The following NAV2 variants were observed in gnomAD, a reference collection of about 807,000 sequenced individuals.
NAV2 encodes helicase, APC down-regulated 1.
Under a neutral mutation model 223.2 loss-of-function variants are expected in NAV2, and 54 were observed. The ratio of observed to expected loss-of-function variants is 0.24; its 90% CI spans 0.19 to 0.30. NAV2 has a LOEUF of 0.30. Among genes scored for constraint, NAV2 ranks in the 10% least tolerant of loss-of-function variants. The pLI is 1.00. For missense variants in NAV2, 2,806 were observed against 3,147.5 expected, an observed-to-expected ratio of 0.89 and a Z score of 2.60; for synonymous variants, 1,279 against 1,239.3, an observed-to-expected ratio of 1.03 and a Z score of -0.67.
rs148310497 is a variant in NAV2 at position 19,866,900 on chromosome 11, G to A, written c.439-2025G>A. ...TTTCCATGGGGACATAATTGCCAAAGCCTCACTCACCAGCCATGTGCAAGA... is the reference window on the plus strand; with the variant it reads ...TTTCCATGGGGACATAATTGCCAAAACCTCACTCACCAGCCATGTGCAAGA... On this transcript the variant is annotated intron_variant, in intron 3 of 37. Transcript: ENST00000349880. Among the ~76,000 whole-genome samples, 95 of 152,212 alleles carry A rather than the reference G, an allele frequency of 6.2e-4. 2 individuals are homozygous for A. The East Asian group carries it at 0.01, about 16-fold the overall frequency.
chr11:20,029,927 T>C (rs1025806319), intron 11 of NAV2, among the ~76,000 whole-genome samples: 33 of 152,238 alleles, frequency 2.2e-4, no homozygotes, highest in African/African-American at 6.8e-4. Flanking sequence ...TGCTTTTGTG[T>C]TGATTGTTCT....
At chr11:19,689,575 G>T (rs2049110748) in intron 1 of NAV2, among the ~76,000 whole-genome samples, 1 of 152,192 alleles carries the variant, frequency 6.6e-6, no homozygotes, top group Non-Finnish European at 1.5e-5. Context: ...TTCTGATTTT[G>T]GTGGCATTGC....
intron 6 of NAV2, among the ~76,000 whole-genome samples, chr11:19,918,929 C>A (rs1779681846): frequency 6.6e-6 from 1 of 152,170 alleles, no homozygotes; most frequent in South Asian, 2.1e-4. Flanking sequence ...TGCTCTGTTT[C>A]ATCCCCAAGA....
intron 1 of NAV2, among the ~76,000 whole-genome samples, chr11:19,723,034 TG>T (rs1376083164): frequency 6.6e-6 from 1 of 152,150 alleles, no homozygotes; most frequent in Non-Finnish European, 1.5e-5. Flanking sequence ...CTGGAGGGGT[TG>T]AGAGGGAGAT....
At chr11:20,100,760 C>G (rs1275649496) in intron 31 of NAV2, among the ~76,000 whole-genome samples, 177 bp from the exon 32 acceptor site, 1 of 152,078 alleles carries the variant, frequency 6.6e-6, no homozygotes, top group East Asian at 1.9e-4. Flanking sequence ...GAGGTGACTT[C>G]CTAGAGCAGC....
At chr11:19,482,350 C>T (rs990033312) in intron 1 of NAV2, among the ~76,000 whole-genome samples, 4 of 152,180 alleles carry the variant, frequency 2.6e-5, no homozygotes, top group African/African-American at 9.7e-5. Context: ...GAATATGCTG[C>T]TGAATTAGTC....
At chr11:19,682,629 G>A (rs1345251823) in intron 1 of NAV2, among the ~76,000 whole-genome samples, 1 of 152,194 alleles carries the variant, frequency 6.6e-6, no homozygotes, top group Non-Finnish European at 1.5e-5. Flanking sequence ...TGCTTTTGGC[G>A]AGGGCCTCAG....
chr11:19,754,896 T>C (rs995539030), intron 1 of NAV2, among the ~76,000 whole-genome samples: 2 of 152,154 alleles, frequency 1.3e-5, no homozygotes, highest in African/African-American at 4.8e-5. Context: ...TGCTGTCTCC[T>C]TCCCTCGCTT....
intron 1 of NAV2, among the ~76,000 whole-genome samples, chr11:19,738,344 C>A (rs1046269517): frequency 6.6e-6 from 1 of 152,242 alleles, no homozygotes; most frequent in Admixed American, 6.5e-5. Flanking sequence ...CCAGCAGGAG[C>A]CTGTCAGCCT....
chr11:19,438,554 A>G (rs907154888), intron 1 of NAV2, among the ~76,000 whole-genome samples: 1 of 152,156 alleles, frequency 6.6e-6, no homozygotes, highest in African/African-American at 2.4e-5. Context: ...CCAGACACCA[A>G]CCATTCCAAC....
chr11:19,965,837 G>A (rs1010165384), intron 10 of NAV2, among the ~76,000 whole-genome samples: 1 of 152,214 alleles, frequency 6.6e-6, no homozygotes, highest in African/African-American at 2.4e-5. Context: ...CATATGTCTG[G>A]TCTGCCATGT....
chr11:19,490,128 T>A (rs2042576582), intron 1 of NAV2, among the ~76,000 whole-genome samples: 1 of 152,246 alleles, frequency 6.6e-6, no homozygotes, highest in Non-Finnish European at 1.5e-5. Flanking sequence ...CAAAAAGTGC[T>A]AATGACCATC....
intron 16 of NAV2, 75 bp from the exon 17 acceptor site, chr11:20,051,214 C>T (rs2057973570): frequency 1.5e-6 from 2 of 1,295,592 alleles, no homozygotes; most frequent in Admixed American, 3.4e-5. Flanking sequence ...CCTTCAGTCC[C>T]CTCCCTAGCT....
chr11:19,368,401 A>G (rs1255612314), intron 1 of NAV2, among the ~76,000 whole-genome samples: 1 of 152,160 alleles, frequency 6.6e-6, no homozygotes, highest in Non-Finnish European at 1.5e-5. Flanking sequence ...AACTGATGGA[A>G]TGTTAAAGGG....
intron 1 of NAV2, among the ~76,000 whole-genome samples, chr11:19,605,628 C>T (rs764815061): frequency 3.9e-5 from 6 of 151,914 alleles, no homozygotes; most frequent in Non-Finnish European, 8.8e-5. Flanking sequence ...GAAGGGTTAG[C>T]GGGGAGGAGG....
intron 1 of NAV2, among the ~76,000 whole-genome samples, chr11:19,759,285 G>A (rs56132145): frequency 3.3e-5 from 5 of 151,710 alleles, no homozygotes; most frequent in African/African-American, 1.2e-4. Flanking sequence ...GGGTTTCACC[G>A]TGTTAGCCAG....
At chr11:19,548,137 C>T (rs1295302892) in intron 1 of NAV2, among the ~76,000 whole-genome samples, 1 of 152,188 alleles carries the variant, frequency 6.6e-6, no homozygotes, top group Non-Finnish European at 1.5e-5. Flanking sequence ...ATGTCTCCTG[C>T]ATGACAATTT....
intron 6 of NAV2, among the ~76,000 whole-genome samples, chr11:19,912,310 T>C (rs1202024128): frequency 6.6e-6 from 1 of 152,240 alleles, no homozygotes; most frequent in Non-Finnish European, 1.5e-5. Flanking sequence ...TCTATATCTC[T>C]TGCAAAAGTC....
At chr11:19,719,201 A>G (rs1225138286) in intron 1 of NAV2, among the ~76,000 whole-genome samples, 2 of 152,248 alleles carry the variant, frequency 1.3e-5, no homozygotes, top group Admixed American at 6.5e-5. Flanking sequence ...CCGCCTCAGC[A>G]GCAGGGAAGG....
Sources: gnomAD v4.1 joint callset for allele counts (sites outside exome capture counted in the v4.1 genomes callset) on GRCh38, gnomAD v4.1.1 for gene constraint, MANE v1.5 for transcripts, NCBI Gene and HGNC (gene_info 2026-07-23, HGNC 2026-07-21) for gene names.